DGKG: variants seen among roughly 807,000 people sequenced by gnomAD.
The protein encoded by DGKG is diacylglycerol kinase gamma.
In DGKG, 78 loss-of-function variants were observed where a neutral mutation model predicts 105.3. That is an observed-to-expected ratio of 0.74 (90% CI 0.62 to 0.89). DGKG has a LOEUF of 0.89. Among genes scored for constraint, DGKG ranks in the 40% least tolerant of loss-of-function variants. The pLI is 0.00. For missense variants in DGKG, 958 were observed against 1,020.1 expected (o/e 0.94, Z 0.83); for synonymous variants, 346 against 367.1 (o/e 0.94, Z 0.66).
At position 186,348,451 on chromosome 3, in the gene DGKG, C is replaced by CTTTTTT. The variant is rs1159516433; in HGVS notation, c.-249+13489_-249+13494dup. On this transcript the variant is annotated intron_variant, in intron 1 of 24. Coordinates refer to ENST00000265022, the MANE Select transcript of DGKG (RefSeq NM_001346.3). The stretch of plus-strand genomic sequence containing the variant: ...TGAATAGAGAATTCTGGCTCATAAT[C>CTTTTTT]TTTTTTTTTTTTTTTTTTTTGAGAT... 9.3e-4 allele frequency among the ~76,000 whole-genome samples: 47 copies of CTTTTTT among 50,698 alleles called. 1 individual carries two copies. Among genetic ancestry groups the CTTTTTT allele is most frequent in the African/African-American group, 3.0e-3 (42 of 13,928 alleles). 33.3% of individuals were successfully genotyped at this position (50,698 alleles called of 152,430 possible).
chr3:186,213,961 C>G (rs1291547736), intron 20 of DGKG, among the ~76,000 whole-genome samples: 1 of 152,208 alleles, frequency 6.6e-6, no homozygotes, highest in Non-Finnish European at 1.5e-5. Context: ...TCATAAATGT[C>G]AAAGCTGAGC....
intron 17 of DGKG, among the ~76,000 whole-genome samples, chr3:186,254,709 G>C (rs1230424559): frequency 6.6e-6 from 1 of 151,746 alleles, no homozygotes; most frequent in African/African-American, 2.4e-5. Flanking sequence ...CCTTCCCACT[G>C]GTATCGCTGC....
In DGKG at chr3:186,210,010, C is replaced by T. The variant is rs115225548; in HGVS notation, c.1917+1785G>A. 6.0e-3 allele frequency among the ~76,000 whole-genome samples: 908 copies of T among 152,336 alleles called. 4 individuals are homozygous for T. The highest frequency in any genetic ancestry group is 0.01 in the Non-Finnish European group (700 of 68,032). ...ACCCTCCCTCCAGACCAGTGAACAA[C>T]CCCACCCCCTCCAGAGGCCACCAGT... On this transcript the variant is annotated intron_variant, in intron 21 of 24. Transcript: ENST00000265022. This position sits in a 1 kb window ranked among gnomAD's most constrained non-coding sequence, Gnocchi z 5.2.
chr3:186,283,559 CACCCATCCCT>C (rs1468403082), intron 7 of DGKG, among the ~76,000 whole-genome samples: 1 of 152,178 alleles, frequency 6.6e-6, no homozygotes, highest in East Asian at 1.9e-4. Flanking sequence ...TTCTTCTCAG[CACCCATCCCT>C]ACCTGACACA....
chr3:186,342,309 G>A (rs1726128085), intron 1 of DGKG, among the ~76,000 whole-genome samples: 1 of 152,190 alleles, frequency 6.6e-6, no homozygotes, highest in Non-Finnish European at 1.5e-5. Context: ...ACACATGTGA[G>A]TTCATTATGA....
chr3:186,231,036 G>T lies in DGKG; in HGVS notation c.1826+11468C>A, dbSNP rs865964369. ...AAGATTCCTGCTCCCATCCAAAAGA[G>T]AATTCTTTACTTTTAGAGCACATTT... On this transcript the variant is annotated intron_variant, in intron 20 of 24. Coordinates refer to ENST00000265022, the MANE Select transcript of DGKG (RefSeq NM_001346.3). This position sits in a 1 kb window ranked among gnomAD's most constrained non-coding sequence, Gnocchi z 4.5. Among the ~76,000 whole-genome samples the T allele has an allele frequency of 2.0e-5, 3 of 152,140 alleles. No individual in the cohort carries two copies. In the South Asian group the frequency reaches 6.2e-4, roughly 32 times the overall value.
intron 16 of DGKG, among the ~76,000 whole-genome samples, chr3:186,258,802 T>G (rs1215516646): frequency 6.6e-6 from 1 of 152,210 alleles, no homozygotes; most frequent in Non-Finnish European, 1.5e-5. Flanking sequence ...ATAACTGTTT[T>G]TTGATATGGT....
chr3:186,218,725 A>G (rs1719426112), intron 20 of DGKG, among the ~76,000 whole-genome samples: 1 of 152,182 alleles, frequency 6.6e-6, no homozygotes, highest in South Asian at 2.1e-4. Context: ...TCTCCTGATT[A>G]TTGGAATTGG....
intron 14 of DGKG, among the ~76,000 whole-genome samples, chr3:186,262,136 C>T (rs561569378): frequency 5.9e-5 from 9 of 152,246 alleles, no homozygotes; most frequent in East Asian, 3.9e-4. Flanking sequence ...TCTGATCATA[C>T]GCGTAAGTGA....
At chr3:186,201,512 G>C (rs1347271369) in intron 21 of DGKG, among the ~76,000 whole-genome samples, 2 of 152,144 alleles carry the variant, frequency 1.3e-5, no homozygotes, top group Non-Finnish European at 2.9e-5. Context: ...TTCCTGTCCT[G>C]GTTCACAGTT....
chr3:186,148,329 C>T lies in DGKG; in HGVS notation c.*1761G>A. ...CCCTGCAGCCAAGGTTGTTTCCAAA[C>T]TAAGAGACTATGATGACCATGATGA... On this transcript the variant is annotated 3_prime_UTR_variant, in exon 25 of 25. Coordinates refer to ENST00000265022, the MANE Select transcript of DGKG (RefSeq NM_001346.3). The T allele has an allele frequency of 1.0e-6, 1 of 985,448 alleles. No homozygotes were observed. Among genetic ancestry groups the T allele is most frequent in the Non-Finnish European group, 1.2e-6 (1 of 829,948 alleles). The allele number at this position is 985,448 out of a possible 1,614,324, so 61.0% of individuals were successfully genotyped here. A position where few individuals can be genotyped will look rare whatever the true frequency, so the allele number is the denominator to read the frequency against.
chr3:186,247,499 T>C (rs1263634788), intron 19 of DGKG, among the ~76,000 whole-genome samples: 1 of 152,224 alleles, frequency 6.6e-6, no homozygotes, highest in Non-Finnish European at 1.5e-5. Flanking sequence ...TATTTGATCA[T>C]CATAAGGAAG....
At chr3:186,342,469 A>G (rs1578859058) in intron 1 of DGKG, among the ~76,000 whole-genome samples, 1 of 152,214 alleles carries the variant, frequency 6.6e-6, no homozygotes, top group Admixed American at 6.5e-5. Flanking sequence ...AAAATAGCGC[A>G]TCAGACAAGT....
intron 10 of DGKG, among the ~76,000 whole-genome samples, chr3:186,275,169 G>A (rs905198873): frequency 2.2e-4 from 34 of 152,292 alleles, no homozygotes; most frequent in African/African-American, 7.0e-4. Context: ...GTGAGCCACC[G>A]TACTTGGCCC....
At chr3:186,270,406 A>G (rs1722262027) in intron 11 of DGKG, among the ~76,000 whole-genome samples, 1 of 152,226 alleles carries the variant, frequency 6.6e-6, no homozygotes, top group Non-Finnish European at 1.5e-5. Flanking sequence ...CTGGGATTAC[A>G]GGTGTGAGTG....
chr3:186,311,839 G>A lies in DGKG; in HGVS notation c.68-4862C>T, dbSNP rs552990182. 1.2e-3 allele frequency among the ~76,000 whole-genome samples: 153 copies of A among 129,598 alleles called. 33 individuals are homozygous for A. Among genetic ancestry groups the A allele is most frequent in the African/African-American group, 6.9e-3 (144 of 20,770 alleles). The allele number at this position is 129,598 out of a possible 152,430, so 85.0% of individuals were successfully genotyped here. On this transcript the variant is annotated intron_variant, in intron 2 of 24. Transcript: ENST00000265022. ...TCTAGTTAAGAACACAGAGTAGGCC[G>A]GGCGCGGTGGCTCACGCCTGTAATC...
intron 20 of DGKG, 98 bp downstream of exon 20, chr3:186,242,406 G>A (rs571840248): frequency 2.6e-5 from 26 of 1,006,294 alleles, no homozygotes; most frequent in South Asian, 1.9e-4. Context: ...AGTCCCCAGC[G>A]GCCCTGGCTG....
At chr3:186,206,499 G>A (rs1398947275) in intron 21 of DGKG, among the ~76,000 whole-genome samples, 2 of 152,164 alleles carry the variant, frequency 1.3e-5, no homozygotes, top group Non-Finnish European at 2.9e-5. Context: ...AAGCCTGTCT[G>A]GTTTGCTCTA....
intron 5 of DGKG, among the ~76,000 whole-genome samples, chr3:186,292,735 G>C (rs1276937864): frequency 2.0e-5 from 3 of 152,052 alleles, no homozygotes; most frequent in Non-Finnish European, 4.4e-5. Flanking sequence ...CAGAGGTCGG[G>C]AGGCAGAGGT....
Sources: gnomAD v4.1 joint callset for allele counts (sites outside exome capture counted in the v4.1 genomes callset) on GRCh38, gnomAD v4.1.1 for gene constraint, Gnocchi (gnomAD v3.1) non-coding constraint, MANE v1.5 for transcripts, NCBI Gene and HGNC (gene_info 2026-07-23, HGNC 2026-07-21) for gene names.